The following ABI2 variants were observed in gnomAD, a reference collection of about 807,000 sequenced individuals.
ABI2 encodes abl interactor 2.
A neutral mutation model predicts 59.2 loss-of-function variants in ABI2; 25 were observed. That is an observed-to-expected ratio of 0.42 (90% CI 0.31 to 0.59). ABI2 has a LOEUF of 0.59. Ranked by LOEUF, ABI2 falls within the 20% of genes least tolerant of loss-of-function variation. ABI2 has a pLI of 0.14. For missense variants in ABI2, 545 were observed against 681.8 expected (o/e 0.80, Z 2.23); for synonymous variants, 213 against 235.5 (o/e 0.90, Z 0.87).
intron 4 of ABI2, among the ~76,000 whole-genome samples, chr2:203,388,993 T>A (rs1467821673): frequency 6.6e-6 from 1 of 152,142 alleles, no homozygotes; most frequent in Non-Finnish European, 1.5e-5. Context: ...TAAAGTAACT[T>A]TGGGTTTTAT....
chr2:203,332,046 A>G (rs535652280), intron 1 of ABI2, among the ~76,000 whole-genome samples: 1 of 150,652 alleles, frequency 6.6e-6, no homozygotes, highest in South Asian at 2.1e-4. Context: ...CTGACCCCAG[A>G]TGACCCACCC....
rs565335068 is a variant in ABI2 at position 203,428,164 on chromosome 2, G to A, written c.*812G>A. 6.6e-6 allele frequency: 1 copy of A among 152,558 alleles called. No homozygotes were observed. Among genetic ancestry groups the A allele is most frequent in the African/African-American group, 2.4e-5 (1 of 41,528 alleles). The allele number at this position is 152,558 out of a possible 1,614,324, so 9.5% of individuals were successfully genotyped here. ...GTGGGTGTGTGAAGCTAGACACGAA[G>A]GTCCCTAAGGTTCTGAAGAGACTTG... is the stretch of plus-strand genomic sequence containing the variant. On this transcript the variant is annotated 3_prime_UTR_variant, in exon 12 of 12. Transcript: ENST00000261018.
Position 203,392,731 on chromosome 2 carries a change from T to C in ABI2, c.578+1588T>C, listed in dbSNP as rs865852178. Among the ~76,000 whole-genome samples, 3 of 152,218 alleles carry C rather than the reference T, an allele frequency of 2.0e-5. No individual in the cohort carries two copies. In the South Asian group the frequency reaches 6.2e-4, roughly 32 times the overall value. Reference sequence around the variant, plus strand: ...ATTTTGTTGGGTTTTAAGTCAAGATTGTTAGTAAGATAAGCTACTTAGTCC... The same window carrying C: ...ATTTTGTTGGGTTTTAAGTCAAGATCGTTAGTAAGATAAGCTACTTAGTCC... On this transcript the variant is annotated intron_variant, in intron 5 of 11. Coordinates refer to ENST00000261018, the MANE Select transcript of ABI2 (RefSeq NM_001375670.1).
rs1456755013 is a variant in ABI2, at chr2:203,328,482, C to G, written c.-33C>G. 1 of 1,542,486 alleles carries G rather than the reference C, an allele frequency of 6.5e-7. No individual in the cohort carries two copies. Among genetic ancestry groups the G allele is most frequent in the East Asian group, 2.4e-5 (1 of 41,544 alleles). On this transcript the variant is annotated 5_prime_UTR_variant, in exon 1 of 12. Coordinates refer to ENST00000261018, the MANE Select transcript of ABI2 (RefSeq NM_001375670.1). The stretch of plus-strand genomic sequence containing the variant: ...CTGCGGCCGCCGCTCCCTCTGCGAC[C>G]TGTATGAGGAGGAGGAGGAGGAGGA...
intron 2 of ABI2, chr2:203,374,944 G>A (rs934974832): frequency 2.4e-6 from 1 of 412,432 alleles, no homozygotes. Context: ...ATTTTATACA[G>A]TACCTTCCTG....
intron 4 of ABI2, among the ~76,000 whole-genome samples, chr2:203,388,043 T>C: frequency 1.3e-5 from 2 of 152,198 alleles, no homozygotes; most frequent in East Asian, 3.8e-4. Context: ...TTAACTTTAA[T>C]TATAATATAG....
intron 4 of ABI2, 61 bp downstream of exon 4, chr2:203,382,267 G>C: frequency 7.4e-7 from 1 of 1,346,720 alleles, no homozygotes; most frequent in Admixed American, 2.5e-5. Context: ...TACATATGGG[G>C]AGTTAAAGAG....
At chr2:203,344,414 G>A (rs1307208043) in intron 1 of ABI2, among the ~76,000 whole-genome samples, 3 of 151,336 alleles carry the variant, frequency 2.0e-5, no homozygotes, top group Non-Finnish European at 2.9e-5. Context: ...TGCCCAGGTT[G>A]GAGTGCAGGG....
At chr2:203,341,539 AC>A (rs1288855450) in intron 1 of ABI2, among the ~76,000 whole-genome samples, 1 of 151,680 alleles carries the variant, frequency 6.6e-6, no homozygotes, top group African/African-American at 2.4e-5. Context: ...AGATGGCGAA[AC>A]CCCATCTCTA....
At position 203,430,288 on chromosome 2, in the gene ABI2, A is replaced by G. The variant is rs2098472604; in HGVS notation, c.*2936A>G. On this transcript the variant is annotated 3_prime_UTR_variant, in exon 12 of 12. Coordinates refer to ENST00000261018, the MANE Select transcript of ABI2 (RefSeq NM_001375670.1). The stretch of plus-strand genomic sequence containing the variant: ...TTACATGCTGTGTACTATTAATATT[A>G]TAACAGACGATCCAAGTCCAAAATC... The G allele has an allele frequency of 6.6e-6, 1 of 152,196 alleles. No individual in the cohort carries two copies. The highest frequency in any genetic ancestry group is 1.5e-5 in the Non-Finnish European group (1 of 68,044). The allele number at this position is 152,196 out of a possible 1,614,324, so 9.4% of individuals were successfully genotyped here.
rs75432257 is a variant in ABI2, at chr2:203,364,091, C to CTTTTTTTTTT, written c.118-2781_118-2772dup. On this transcript the variant is annotated intron_variant, in intron 1 of 11. Coordinates refer to ENST00000261018, the MANE Select transcript of ABI2 (RefSeq NM_001375670.1). ...TACCATATTTTCTTTGTCCATTCAT[C>CTTTTTTTTTT]TTTTTTTTTTTTTTAAGTTTTATTT... Among the ~76,000 whole-genome samples the CTTTTTTTTTT allele has an allele frequency of 2.6e-3, 365 of 140,416 alleles. 1 individual carries two copies. Among genetic ancestry groups the CTTTTTTTTTT allele is most frequent in the African/African-American group, 8.8e-3 (339 of 38,670 alleles). The allele number at this position is 140,416 out of a possible 152,430, so 92.1% of individuals were successfully genotyped here. A position where few individuals can be genotyped will look rare whatever the true frequency, so the allele number is the denominator to read the frequency against.
chr2:203,392,244 C>T (rs2096769580), intron 5 of ABI2, among the ~76,000 whole-genome samples: 1 of 151,566 alleles, frequency 6.6e-6, no homozygotes, highest in African/African-American at 2.4e-5. Context: ...AATTGACAGT[C>T]TTGTTTTTGG....
chr2:203,386,735 T>G (rs1578504886), intron 4 of ABI2, among the ~76,000 whole-genome samples: 1 of 151,568 alleles, frequency 6.6e-6, no homozygotes, highest in South Asian at 2.1e-4. Flanking sequence ...CCTCCTGGGT[T>G]CAAGTGATTC....
chr2:203,395,389 A>G (rs2096930267), intron 6 of ABI2, among the ~76,000 whole-genome samples: 2 of 149,496 alleles, frequency 1.3e-5, no homozygotes, highest in South Asian at 4.2e-4. Flanking sequence ...GGTCAAAACA[A>G]GCTTATTGAA....
In ABI2 at chr2:203,431,153, C is replaced by T. The variant is rs1028072486; in HGVS notation, c.*3801C>T. The T allele has an allele frequency of 7.9e-5, 12 of 152,228 alleles. No homozygotes were observed. The highest frequency in any genetic ancestry group is 2.9e-4 in the African/African-American group (12 of 41,392). The allele number at this position is 152,228 out of a possible 1,614,324, so 9.4% of individuals were successfully genotyped here. On this transcript the variant is annotated 3_prime_UTR_variant, in exon 12 of 12. Transcript: ENST00000261018. ...ATTGGTGTTAAGGTGGTAATTTCCC[C>T]CATATAAGATTTAGAATCACTGAGT...
chr2:203,344,967 G>T (rs1474164724), intron 1 of ABI2, among the ~76,000 whole-genome samples: 1 of 152,006 alleles, frequency 6.6e-6, no homozygotes, highest in Non-Finnish European at 1.5e-5. Flanking sequence ...ACCAACCAGT[G>T]CTCTGTAAAA....
chr2:203,419,252 G>A (rs943839011), intron 11 of ABI2, among the ~76,000 whole-genome samples: 3 of 150,986 alleles, frequency 2.0e-5, no homozygotes, highest in African/African-American at 7.3e-5. Flanking sequence ...TGGGACTACC[G>A]GCGCCCACCA....
chr2:203,423,913 T>C (rs1232669346), intron 11 of ABI2, among the ~76,000 whole-genome samples: 1 of 152,204 alleles, frequency 6.6e-6, no homozygotes, highest in African/African-American at 2.4e-5. Flanking sequence ...ATATGAACAA[T>C]GTACTTTGAA....
intron 11 of ABI2, among the ~76,000 whole-genome samples, chr2:203,418,308 C>T (rs191591864): frequency 6.6e-6 from 1 of 152,216 alleles, no homozygotes; most frequent in Non-Finnish European, 1.5e-5. Flanking sequence ...AACAAAACAT[C>T]CATTATCTCC....
Sources: gnomAD v4.1 joint callset for allele counts (sites outside exome capture counted in the v4.1 genomes callset) on GRCh38, gnomAD v4.1.1 for gene constraint, MANE v1.5 for transcripts, NCBI Gene and HGNC (gene_info 2026-07-23, HGNC 2026-07-21) for gene names.